Variants in MFAP3L observed in about 807,000 individuals in gnomAD.
MFAP3L encodes microfibrillar-associated protein 3-like.
Under a neutral mutation model 20.0 loss-of-function variants are expected in MFAP3L, and 5 were observed. That is an observed-to-expected ratio of 0.25 (90% CI 0.13 to 0.53). The LOEUF (loss-of-function observed/expected upper bound fraction) is 0.53, where lower values mean the gene tolerates loss of function less well. MFAP3L is among the 20% of genes least tolerant of loss of function. The probability of loss-of-function intolerance (pLI) is 0.96; values close to 1 mark genes in which losing one functional copy is unlikely to be tolerated. For synonymous variants in MFAP3L, 219 were observed against 213.0 expected, an observed-to-expected ratio of 1.03 and a Z score of -0.25; for missense variants, 409 against 527.5, an observed-to-expected ratio of 0.78 and a Z score of 2.20.
At chr4:170,001,851 G>T in intron 2 of MFAP3L, 1 of 855,688 alleles carries the variant, frequency 1.2e-6, no homozygotes, top group Non-Finnish European at 1.4e-6. Context: ...CTGTGGAATT[G>T]AAGTGACAGC....
At chr4:170,025,124 G>C (rs1275305395) in intron 1 of MFAP3L, among the ~76,000 whole-genome samples, 1 of 152,164 alleles carries the variant, frequency 6.6e-6, no homozygotes, top group African/African-American at 2.4e-5. Flanking sequence ...AACAACTGTA[G>C]AAACCACACT....
chr4:170,005,719 A>T lies in MFAP3L; in HGVS notation c.159T>A (p.Thr53=). ...TCCCTTCCTTGACTATGATATGGTC[A>T]GTTCTGGCAATGATTACGGGCACAG... is the stretch of plus-strand genomic sequence containing the variant. ...LGSVPVIIAR[T]DHIIVKEGNS... is the part of the protein sequence containing the mutation. Residue 53 remains threonine, a synonymous_variant, in exon 2 of 3, where the codon ACT becomes ACA. Transcript: ENST00000361618. 6.2e-7 allele frequency: 1 copy of T among 1,614,242 alleles called. No homozygotes were observed. The highest frequency in any genetic ancestry group is 8.5e-7 in the Non-Finnish European group (1 of 1,180,044).
chr4:170,002,373 T>G, intron 2 of MFAP3L: 1 of 470,060 alleles, frequency 2.1e-6, no homozygotes, highest in Non-Finnish European at 2.8e-6. Flanking sequence ...TTATAAGGAT[T>G]AGAAATAATA....
Position 169,999,648 on chromosome 4 carries a change from C to A in MFAP3L, c.298+5932G>T, listed in dbSNP as rs574492769. ...ATATCTGAAATGGATCTGGAAGGGT[C>A]TTTTCACTGCTAAGACTAAAGCTAT... On this transcript the variant is annotated intron_variant, in intron 2 of 2. Coordinates refer to ENST00000361618, the MANE Select transcript of MFAP3L (RefSeq NM_021647.8). Among the ~76,000 whole-genome samples the A allele has an allele frequency of 7.4e-4, 112 of 152,312 alleles. 2 individuals are homozygous for A. Among genetic ancestry groups the A allele is most frequent in the Admixed American group, 4.3e-3 (66 of 15,292 alleles).
chr4:169,996,355 A>G (rs567012720), intron 2 of MFAP3L, among the ~76,000 whole-genome samples: 2 of 152,310 alleles, frequency 1.3e-5, no homozygotes, highest in South Asian at 2.1e-4. Flanking sequence ...ATCATTGAGC[A>G]AACTGTGTAC....
chr4:170,000,019 G>T (rs947906772), intron 2 of MFAP3L, among the ~76,000 whole-genome samples: 1 of 152,232 alleles, frequency 6.6e-6, no homozygotes, highest in African/African-American at 2.4e-5. Context: ...AACCAAAAAT[G>T]TCTCCAGACT....
rs966000796 is a variant in MFAP3L, at chr4:170,005,587, T to A, written c.291A>T (p.Arg97Ser). 15 of 1,613,826 alleles carry A rather than the reference T, an allele frequency of 9.3e-6. No individual in the cohort carries two copies. In the East Asian group the frequency reaches 3.3e-4, roughly 36 times the overall value. ...TACAACTTTAAAGCCTACCTCCTCC[T>A]CTCTCCTTCTCATCCTCTTCTTCTT... is the stretch of plus-strand genomic sequence containing the variant. ...LLKEEEDEKE[R>S]GGGKWQMHDS... Residue 97 changes from arginine to serine, a missense_variant, in exon 2 of 3, where the codon AGA becomes AGT. Arg to Ser is a moderately radical substitution (Grantham distance 110). Transcript: ENST00000361618.
chr4:169,987,229 CTG>C lies in MFAP3L; in HGVS notation c.*4147_*4148del, dbSNP rs1560953512. 6.6e-6 allele frequency: 1 copy of C among 152,128 alleles called. No homozygotes were observed. The highest frequency in any genetic ancestry group is 2.4e-5 in the African/African-American group (1 of 41,452). 9.4% of individuals were successfully genotyped at this position (152,128 alleles called of 1,614,324 possible). A position where few individuals can be genotyped will look rare whatever the true frequency, so the allele number is the denominator to read the frequency against. On this transcript the variant is annotated 3_prime_UTR_variant, in exon 3 of 3. Transcript: ENST00000361618. ...CTAAAAATGTCATTAGGAAAATAAA[CTG>C]TGCTATTTACTGAAGGATTTTTTAA...
intron 2 of MFAP3L, chr4:170,003,741 T>C: frequency 1.0e-6 from 1 of 985,444 alleles, no homozygotes; most frequent in Non-Finnish European, 1.2e-6. Flanking sequence ...TCAGTCACCG[T>C]GGGTTCCCTA....
At chr4:169,993,368 C>A (rs1275845146) in intron 2 of MFAP3L, among the ~76,000 whole-genome samples, 1 of 152,120 alleles carries the variant, frequency 6.6e-6, no homozygotes, top group East Asian at 1.9e-4. Context: ...TTCTAGTTCC[C>A]CGAGCCGACT....
chr4:169,994,422 C>T, intron 2 of MFAP3L: 1 of 984,802 alleles, frequency 1.0e-6, no homozygotes, highest in Non-Finnish European at 1.2e-6. Context: ...ACAGCTTTTT[C>T]CCCAAACCTA....
At chr4:169,998,944 A>C (rs182526055) in intron 2 of MFAP3L, among the ~76,000 whole-genome samples, 13 of 152,362 alleles carry the variant, frequency 8.5e-5, no homozygotes, top group East Asian at 5.8e-4. Context: ...CCCTTTGAAG[A>C]AGCACAAAAT....
chr4:170,000,743 G>GAGATA (rs1738553464), intron 2 of MFAP3L, among the ~76,000 whole-genome samples: 1 of 152,132 alleles, frequency 6.6e-6, no homozygotes, highest in Admixed American at 6.5e-5. Flanking sequence ...GTTTGCTGTT[G>GAGATA]AGATAGGATC....
chr4:169,994,138 T>G, intron 2 of MFAP3L: 1 of 976,562 alleles, frequency 1.0e-6, no homozygotes, highest in Non-Finnish European at 1.2e-6. Flanking sequence ...GCTTATTCCA[T>G]AGAGAAGACA....
chr4:170,025,538 T>G (rs756414377), intron 1 of MFAP3L, among the ~76,000 whole-genome samples: 20 of 152,246 alleles, frequency 1.3e-4, no homozygotes, highest in Non-Finnish European at 2.5e-4. Flanking sequence ...TTGCAAGTTT[T>G]TTTTTCAGGG....
At chr4:170,008,105 G>C (rs150898420) in intron 1 of MFAP3L, among the ~76,000 whole-genome samples, 309 of 152,182 alleles carry the variant, frequency 2.0e-3, no homozygotes, top group Non-Finnish European at 3.8e-3. Flanking sequence ...TAGGTGCTTT[G>C]GGCTAGAAAC....
At chr4:170,013,126 C>T (rs1739486889) in intron 1 of MFAP3L, among the ~76,000 whole-genome samples, 1 of 152,170 alleles carries the variant, frequency 6.6e-6, no homozygotes. Context: ...AATCTCCACA[C>T]TTTGTTCACA....
chr4:170,006,002 A>T lies in MFAP3L; in HGVS notation c.-125T>A. 2.1e-6 allele frequency: 3 copies of T among 1,440,790 alleles called. No homozygotes were observed. The highest frequency in any genetic ancestry group is 1.8e-6 in the Non-Finnish European group (2 of 1,099,622). The allele number at this position is 1,440,790 out of a possible 1,614,324, so 89.3% of individuals were successfully genotyped here. A position where few individuals can be genotyped will look rare whatever the true frequency, so the allele number is the denominator to read the frequency against. On this transcript the variant is annotated 5_prime_UTR_variant, in exon 2 of 3. Transcript: ENST00000361618. ...CCTGGGTCCATAGAGTTGGTACTTG[A>T]GCAAGAACCTGTTTTTAAGAAAACA...
intron 1 of MFAP3L, among the ~76,000 whole-genome samples, chr4:170,017,805 T>C (rs1204894283): frequency 1.3e-5 from 2 of 152,018 alleles, no homozygotes; most frequent in African/African-American, 2.4e-5. Flanking sequence ...AAGCTGAAAA[T>C]AGGGATTCAG....
Sources: gnomAD v4.1 joint callset for allele counts (sites outside exome capture counted in the v4.1 genomes callset) on GRCh38, gnomAD v4.1.1 for gene constraint, MANE v1.5 for transcripts, NCBI Gene and HGNC (gene_info 2026-07-23, HGNC 2026-07-21) for gene names.